The following FGF13 variants were observed in gnomAD, a reference collection of about 807,000 sequenced individuals.
FGF13 encodes fibroblast growth factor 13, also known as fibroblast growth factor homologous factor 2.
In FGF13, 2 loss-of-function variants were observed where a neutral mutation model predicts 19.5. The ratio of observed to expected loss-of-function variants is 0.10; its 90% CI spans 0.04 to 0.32. FGF13 has a LOEUF of 0.32. FGF13 is among the 10% of genes least tolerant of loss of function. The pLI is 1.00. For missense variants in FGF13, 113 were observed against 192.7 expected (o/e 0.59, Z 2.45); for synonymous variants, 72 against 76.9 (o/e 0.94, Z 0.33).
At chrX:139,011,239 G>C (rs1473903956) in intron 1 of FGF13, among the ~76,000 whole-genome samples, 1 of 109,847 alleles carries the variant, frequency 9.1e-6, no homozygotes, top group Non-Finnish European at 1.9e-5. Context: ...AGAAGAATTG[G>C]TACCAATCCT....
intron 1 of FGF13, among the ~76,000 whole-genome samples, chrX:139,148,323 T>A (rs1415002639): frequency 2.7e-5 from 3 of 111,670 alleles, no homozygotes; most frequent in Non-Finnish European, 5.6e-5. Flanking sequence ...CACCTGCCTA[T>A]TCAGAGTAGA....
intron 1 of FGF13, among the ~76,000 whole-genome samples, chrX:139,147,587 G>A (rs965258310): frequency 1.8e-5 from 2 of 111,690 alleles, no homozygotes; most frequent in East Asian, 2.8e-4. Context: ...TAACAAAATC[G>A]CAAACTGGAT....
intron 1 of FGF13, among the ~76,000 whole-genome samples, chrX:139,037,935 A>T (rs1202273604): frequency 9.0e-6 from 1 of 111,381 alleles, no homozygotes; most frequent in African/African-American, 3.3e-5. Context: ...CCCTCTCCAC[A>T]TTCTGTGTGC....
At chrX:139,152,262 T>C (rs2083939215) in intron 1 of FGF13, among the ~76,000 whole-genome samples, 1 of 99,621 alleles carries the variant, frequency 1.0e-5, no homozygotes, top group African/African-American at 3.7e-5. Flanking sequence ...GAGCGAACTG[T>C]CATAAAAAAA....
At chrX:139,194,673 G>A (rs1027616353) in intron 1 of FGF13, among the ~76,000 whole-genome samples, 1 of 111,503 alleles carries the variant, frequency 9.0e-6, no homozygotes, top group African/African-American at 3.3e-5. Flanking sequence ...TGTCGCTAAG[G>A]GAGGAGGGCG....
rs754435527 is a variant in FGF13, at chrX:138,789,587, G to A, written c.217+67925C>T. On this transcript the variant is annotated intron_variant, in intron 3 of 6. Transcript: ENST00000436198. ...ATCTTTAAAAGTCCCTTCACCACCA[G>A]CTTCTTCCAAAATGCACTTCAAAAT... is the stretch of plus-strand genomic sequence containing the variant. Among the ~76,000 whole-genome samples, 4 of 110,810 alleles carry A rather than the reference G, an allele frequency of 3.6e-5. No homozygotes were observed. In the East Asian group the frequency reaches 1.1e-3, roughly 32 times the overall value.
intron 3 of FGF13, among the ~76,000 whole-genome samples, chrX:138,803,257 T>C (rs2090843100): frequency 1.8e-5 from 2 of 112,294 alleles, no homozygotes; most frequent in South Asian, 7.4e-4. Flanking sequence ...GTATGACCTA[T>C]CTTGGCTACA....
At chrX:138,722,051 T>C (rs1477249836) in intron 1 of FGF13, among the ~76,000 whole-genome samples, 1 of 111,362 alleles carries the variant, frequency 9.0e-6, no homozygotes, top group African/African-American at 3.3e-5. Flanking sequence ...CAAAGAAGAA[T>C]TGAAGTGGCT....
chrX:139,012,121 G>A (rs987787013), intron 1 of FGF13, among the ~76,000 whole-genome samples: 16 of 110,904 alleles, frequency 1.4e-4, no homozygotes, highest in East Asian at 2.8e-4. Flanking sequence ...AAAATACTTA[G>A]GAATATACCT....
intron 1 of FGF13, among the ~76,000 whole-genome samples, chrX:139,168,513 C>T (rs2084104626): frequency 9.0e-6 from 1 of 111,558 alleles, no homozygotes; most frequent in African/African-American, 3.3e-5. Flanking sequence ...AGAAAAAATA[C>T]AGTAAAAGGT....
In FGF13 at chrX:138,632,806, G is replaced by A. The variant is rs775276839; in HGVS notation, c.*44C>T. On this transcript the variant is annotated 3_prime_UTR_variant, in exon 5 of 5. Transcript: ENST00000315930. ...CTGCTAGAAGAATTCAACAGCACCT[G>A]GAGGTAAGGTTCTGTTACAGAGCCC... The A allele has an allele frequency of 8.5e-7, 1 of 1,173,426 alleles. No individual in the cohort carries two copies.
chrX:138,783,823 C>G (rs1156308220), intron 3 of FGF13, among the ~76,000 whole-genome samples: 1 of 109,888 alleles, frequency 9.1e-6, no homozygotes, highest in African/African-American at 3.3e-5. Context: ...GGGTATATAC[C>G]CAAAGGACTA....
chrX:138,930,566 T>C (rs770219698), intron 1 of FGF13, among the ~76,000 whole-genome samples: 95 of 112,067 alleles, frequency 8.5e-4, no homozygotes, highest in Non-Finnish European at 1.5e-3. Context: ...TAATCTCTTC[T>C]ATTTAAAGTC....
intron 1 of FGF13, among the ~76,000 whole-genome samples, chrX:139,065,365 G>A (rs2092351449): frequency 1.8e-5 from 2 of 108,617 alleles, no homozygotes; most frequent in Admixed American, 2.0e-4. Context: ...CTGGAAAATT[G>A]GATAAAGAGT....
chrX:138,851,191 A>C (rs1018395374), intron 3 of FGF13, among the ~76,000 whole-genome samples: 23 of 112,214 alleles, frequency 2.0e-4, no homozygotes, highest in Admixed American at 8.5e-4. Context: ...ATAGTGCTGC[A>C]GTGAACATAT....
chrX:138,860,944 T>C (rs1307354569), intron 2 of FGF13, among the ~76,000 whole-genome samples: 1 of 112,432 alleles, frequency 8.9e-6, no homozygotes, highest in Non-Finnish European at 1.9e-5. Context: ...AGGACACAAG[T>C]GCACATGTGC....
intron 1 of FGF13, among the ~76,000 whole-genome samples, chrX:139,139,719 A>G (rs1050549395): frequency 2.7e-5 from 3 of 112,276 alleles, no homozygotes; most frequent in African/African-American, 9.7e-5. Context: ...CCTACTTAGA[A>G]CTACATGCTA....
At chrX:138,946,182 A>C (rs2091780959) in intron 1 of FGF13, among the ~76,000 whole-genome samples, 1 of 111,870 alleles carries the variant, frequency 8.9e-6, no homozygotes, top group African/African-American at 3.2e-5. Flanking sequence ...TGTGACAATT[A>C]GAAATAACAC....
At chrX:138,793,869 A>C (rs2090759007) in intron 3 of FGF13, among the ~76,000 whole-genome samples, 1 of 112,090 alleles carries the variant, frequency 8.9e-6, no homozygotes, top group Non-Finnish European at 1.9e-5. Flanking sequence ...GTCAGGATTA[A>C]ATTCAATATT....
Sources: gnomAD v4.1 joint callset for allele counts (sites outside exome capture counted in the v4.1 genomes callset) on GRCh38, gnomAD v4.1.1 for gene constraint, MANE v1.5 for transcripts, NCBI Gene and HGNC (gene_info 2026-07-23, HGNC 2026-07-21) for gene names.